SLAIN1: variants seen among roughly 807,000 people sequenced by gnomAD.
SLAIN1 encodes the protein SLAIN motif-containing protein 1.
A neutral mutation model predicts 55.4 loss-of-function variants in SLAIN1; 17 were observed. The observed-to-expected ratio is 0.31, with a 90% confidence interval of 0.21 to 0.46. The LOEUF (loss-of-function observed/expected upper bound fraction) is 0.46. Among genes scored for constraint, SLAIN1 ranks in the 20% least tolerant of loss-of-function variants. SLAIN1 has a pLI of 1.00. For missense variants in SLAIN1, 682 were observed against 785.1 expected (o/e 0.87, Z 1.57); for synonymous variants, 348 against 337.4 (o/e 1.03, Z -0.35).
chr13:77,736,886 A>G (rs1297181649), intron 2 of SLAIN1, among the ~76,000 whole-genome samples: 2 of 149,894 alleles, frequency 1.3e-5, no homozygotes, highest in Non-Finnish European at 3.0e-5. Flanking sequence ...CTCATTCTCC[A>G]TCTGTCTACT....
In SLAIN1 at chr13:77,698,459, G is replaced by A. The variant is rs1566214701; in HGVS notation, c.546G>A (p.Pro182=). ...PPGAAAAPPS[P]PPTLLDEVEL... is the part of the protein sequence containing the mutation. Reference sequence around the variant, plus strand: ...GGGCAGCTGCAGCGCCGCCCTCGCCGCCCCCCACGCTGCTGGACGAGGTGG... The same window carrying A: ...GGGCAGCTGCAGCGCCGCCCTCGCCACCCCCCACGCTGCTGGACGAGGTGG... Residue 182 remains proline, a synonymous_variant, in exon 1 of 7, where the codon CCG becomes CCA. Transcript: ENST00000418532. This position sits in a 1 kb window ranked among gnomAD's most constrained non-coding sequence, Gnocchi z 4.1. 1.3e-5 allele frequency: 19 copies of A among 1,440,732 alleles called. No individual in the cohort carries two copies. The highest frequency in any genetic ancestry group is 1.7e-5 in the Non-Finnish European group (19 of 1,101,942). The allele number at this position is 1,440,732 out of a possible 1,614,324, so 89.2% of individuals were successfully genotyped here.
chr13:77,751,636 C>A (rs548664923), intron 4 of SLAIN1, among the ~76,000 whole-genome samples: 1 of 152,188 alleles, frequency 6.6e-6, no homozygotes, highest in African/African-American at 2.4e-5. Flanking sequence ...GAGTTCACCC[C>A]TGTGGTCGGG....
At chr13:77,728,652 G>T (rs1032042124) in intron 2 of SLAIN1, among the ~76,000 whole-genome samples, 3 of 152,164 alleles carry the variant, frequency 2.0e-5, no homozygotes, top group Non-Finnish European at 4.4e-5. Flanking sequence ...TTATAAAGGA[G>T]TGTTAATGTC....
At chr13:77,715,465 G>A (rs1404325071) in intron 1 of SLAIN1, among the ~76,000 whole-genome samples, 2 of 152,188 alleles carry the variant, frequency 1.3e-5, no homozygotes, top group Non-Finnish European at 2.9e-5. Context: ...TGACTTGAGT[G>A]TCTGGAACAG....
chr13:77,754,934 A>G (rs1874492075), intron 5 of SLAIN1, among the ~76,000 whole-genome samples: 2 of 152,214 alleles, frequency 1.3e-5, no homozygotes, highest in Non-Finnish European at 2.9e-5. Context: ...CCTATTAAAT[A>G]TTTAGAACCA....
chr13:77,752,724 A>AG (rs2154410763), intron 4 of SLAIN1, among the ~76,000 whole-genome samples: 1 of 152,286 alleles, frequency 6.6e-6, no homozygotes, highest in Admixed American at 6.5e-5. Flanking sequence ...TGTAAGTCCA[A>AG]GAGTCCACAA....
Position 77,697,880 on chromosome 13 carries a change from C to T in SLAIN1, c.-34C>T, listed in dbSNP as rs1368147426. The stretch of plus-strand genomic sequence containing the variant: ...CGAGGAGCCGGCGCGGCGGCGCGCA[C>T]TCCCCGGCGGCCGCGGCGCCCTCGG... On this transcript the variant is annotated 5_prime_UTR_variant, in exon 1 of 7. Coordinates refer to ENST00000418532, the MANE Select transcript of SLAIN1 (RefSeq NM_001242868.2). 3.0e-6 allele frequency: 4 copies of T among 1,313,628 alleles called. No individual in the cohort carries two copies. Among genetic ancestry groups the T allele is most frequent in the East Asian group, 7.1e-5 (2 of 27,988 alleles). The allele number at this position is 1,313,628 out of a possible 1,614,324, so 81.4% of individuals were successfully genotyped here.
At chr13:77,731,531 C>G (rs1872860239) in intron 2 of SLAIN1, among the ~76,000 whole-genome samples, 1 of 152,038 alleles carries the variant, frequency 6.6e-6, no homozygotes, top group Non-Finnish European at 1.5e-5. Context: ...AAACAGTAGC[C>G]TCGGAGATGA....
In SLAIN1 at chr13:77,697,988, G is replaced by C; in HGVS notation, c.75G>C (p.Ala25=). ...SGAGSGPVVN[A]ELEVKKLQEL... ...CGGGCTCCGGGCCGGTGGTGAACGC[G>C]GAGCTGGAGGTGAAGAAGCTGCAGG... Residue 25 remains alanine, a synonymous_variant, in exon 1 of 7, where the codon GCG becomes GCC. Transcript: ENST00000418532. The C allele has an allele frequency of 6.9e-7, 1 of 1,443,594 alleles. No homozygotes were observed. The highest frequency in any genetic ancestry group is 9.2e-7 in the Non-Finnish European group (1 of 1,088,850). 89.4% of individuals were successfully genotyped at this position (1,443,594 alleles called of 1,614,324 possible).
At chr13:77,706,570 C>G (rs1439332787) in intron 1 of SLAIN1, among the ~76,000 whole-genome samples, 1 of 152,152 alleles carries the variant, frequency 6.6e-6, no homozygotes, top group Non-Finnish European at 1.5e-5. Context: ...CTAGTTTTTA[C>G]TGTTTGCCCC....
chr13:77,746,300 T>C (rs1351048427), intron 3 of SLAIN1, among the ~76,000 whole-genome samples: 1 of 152,144 alleles, frequency 6.6e-6, no homozygotes, highest in Non-Finnish European at 1.5e-5. Context: ...GGGCAATCTT[T>C]TTGCAAAACA....
rs1009547251 is a variant in SLAIN1, at chr13:77,749,957, C to T, written c.1258+3102C>T. 5.3e-5 allele frequency among the ~76,000 whole-genome samples: 8 copies of T among 152,110 alleles called. No homozygotes were observed. The East Asian group carries it at 7.7e-4, about 15-fold the overall frequency. On this transcript the variant is annotated intron_variant, in intron 4 of 6. Coordinates refer to ENST00000418532, the MANE Select transcript of SLAIN1 (RefSeq NM_001242868.2). The stretch of plus-strand genomic sequence containing the variant: ...AGATTAGAGGCATAGCCAAATGTAA[C>T]GTATGGACCTTGATTGGATCGTGGT...
chr13:77,729,351 G>A (rs1413657333), intron 2 of SLAIN1, among the ~76,000 whole-genome samples: 1 of 151,958 alleles, frequency 6.6e-6, no homozygotes, highest in Non-Finnish European at 1.5e-5. Flanking sequence ...AACAATAATG[G>A]TTGTTCTGGT....
At chr13:77,758,966 G>A (rs1317841831) in intron 5 of SLAIN1, among the ~76,000 whole-genome samples, 1 of 152,004 alleles carries the variant, frequency 6.6e-6, no homozygotes, top group East Asian at 1.9e-4. Context: ...TTCTAGTTCT[G>A]TGAAGAATGA....
Position 77,698,235 on chromosome 13 carries a change from G to GGCGGCA in SLAIN1, c.327_332dup (p.Ser114_Gly115dup), listed in dbSNP as rs1039810067. 17 of 1,348,496 alleles carry GGCGGCA rather than the reference G, an allele frequency of 1.3e-5. No homozygotes were observed. Among genetic ancestry groups the GGCGGCA allele is most frequent in the Admixed American group, 5.9e-5 (2 of 34,092 alleles). 83.5% of individuals were successfully genotyped at this position (1,348,496 alleles called of 1,614,324 possible). A position where few individuals can be genotyped will look rare whatever the true frequency, so the allele number is the denominator to read the frequency against. Reference sequence around the variant, plus strand: ...GCTGGCGCTGGGCGCGGGGGGCGGTGGCGGCAGCGGTAGTGGCAGCGGCGG... The same window carrying GGCGGCA: ...GCTGGCGCTGGGCGCGGGGGGCGGTGGCGGCAGCGGCAGCGGTAGTGGCAGCGGCGG... On this transcript the variant is annotated inframe_insertion, in exon 1 of 7. Coordinates refer to ENST00000418532, the MANE Select transcript of SLAIN1 (RefSeq NM_001242868.2). The surrounding 1 kb of genome is among the most constrained non-coding windows in gnomAD (Gnocchi z 4.1).
At chr13:77,759,009 G>C (rs1280899645) in intron 5 of SLAIN1, among the ~76,000 whole-genome samples, 2 of 152,166 alleles carry the variant, frequency 1.3e-5, no homozygotes, top group East Asian at 3.9e-4. Context: ...CATTGAATCT[G>C]TAGATTGCTT....
At chr13:77,717,920 G>A (rs1386011544) in intron 1 of SLAIN1, among the ~76,000 whole-genome samples, 1 of 152,126 alleles carries the variant, frequency 6.6e-6, no homozygotes, top group Non-Finnish European at 1.5e-5. Context: ...ATACTTGTGA[G>A]TAGGGAGAAG....
At chr13:77,731,713 A>G (rs190657792) in intron 2 of SLAIN1, among the ~76,000 whole-genome samples, 1 of 152,140 alleles carries the variant, frequency 6.6e-6, no homozygotes, top group Admixed American at 6.6e-5. Context: ...GCTATAAAAC[A>G]GAATGAAAAT....
intron 1 of SLAIN1, among the ~76,000 whole-genome samples, chr13:77,705,072 CAT>C (rs1418618110): frequency 1.3e-5 from 2 of 151,578 alleles, no homozygotes; most frequent in African/African-American, 4.8e-5. Flanking sequence ...TATATACACA[CAT>C]AAAATATATA....
Sources: allele counts gnomAD v4.1 joint callset (sites outside exome capture counted in the v4.1 genomes callset), GRCh38; gene constraint gnomAD v4.1.1; non-coding constraint Gnocchi (gnomAD v3.1); transcripts MANE v1.5; gene names NCBI Gene and HGNC (gene_info 2026-07-23, HGNC 2026-07-21).